GPC5: variants seen among roughly 807,000 people sequenced by gnomAD.
The protein encoded by GPC5 is glypican 5.
A neutral mutation model predicts 53.9 loss-of-function variants in GPC5; 47 were observed. The observed-to-expected ratio is 0.87, with a 90% CI of 0.69 to 1.11. The LOEUF (loss-of-function observed/expected upper bound fraction) is 1.11, where lower values mean the gene tolerates loss of function less well. GPC5 is among the 50% of genes most tolerant of loss of function. The pLI is 0.00. For synonymous variants in GPC5, 286 were observed against 263.3 expected, an observed-to-expected ratio of 1.09 and a Z score of -0.84; for missense variants, 748 against 713.1, an observed-to-expected ratio of 1.05 and a Z score of -0.56.
chr13:91,579,988 T>A (rs534763784), intron 2 of GPC5, among the ~76,000 whole-genome samples: 1 of 152,332 alleles, frequency 6.6e-6, no homozygotes, highest in African/African-American at 2.4e-5. Flanking sequence ...TCTTGGGCAA[T>A]AATTTTATAT....
At chr13:92,317,625 C>T (rs1348659736) in intron 7 of GPC5, among the ~76,000 whole-genome samples, 1 of 152,050 alleles carries the variant, frequency 6.6e-6, no homozygotes, top group Admixed American at 6.6e-5. Context: ...TCCTGAGAAG[C>T]TGGGCTTACA....
intron 6 of GPC5, among the ~76,000 whole-genome samples, chr13:92,098,802 C>G (rs1038087696): frequency 3.3e-5 from 5 of 152,096 alleles, no homozygotes; most frequent in African/African-American, 1.2e-4. Context: ...AGAGCCGCCA[C>G]AAAACAATAG....
At chr13:91,845,629 G>C (rs1391108723) in intron 5 of GPC5, among the ~76,000 whole-genome samples, 1 of 152,110 alleles carries the variant, frequency 6.6e-6, no homozygotes, top group Non-Finnish European at 1.5e-5. Flanking sequence ...AGGGCTTTTG[G>C]CTCTTCTTCT....
At chr13:92,778,280 A>G (rs1875890717) in intron 7 of GPC5, among the ~76,000 whole-genome samples, 2 of 152,152 alleles carry the variant, frequency 1.3e-5, no homozygotes, top group Admixed American at 6.6e-5. Flanking sequence ...TTTAGGTTGT[A>G]CTTCATAACG....
chr13:92,009,739 A>T (rs916910114), intron 6 of GPC5, among the ~76,000 whole-genome samples: 3 of 152,158 alleles, frequency 2.0e-5, no homozygotes, highest in African/African-American at 7.2e-5. Flanking sequence ...ATCAAATGTC[A>T]CTTGAAAACC....
At chr13:91,997,288 C>T (rs1415691544) in intron 6 of GPC5, among the ~76,000 whole-genome samples, 1 of 152,008 alleles carries the variant, frequency 6.6e-6, no homozygotes, top group Non-Finnish European at 1.5e-5. Context: ...TTTTTATTTC[C>T]TTGTCTTCTT....
intron 3 of GPC5, among the ~76,000 whole-genome samples, chr13:91,710,243 AT>A (rs1367342150): frequency 6.6e-6 from 1 of 152,226 alleles, no homozygotes; most frequent in Non-Finnish European, 1.5e-5. Flanking sequence ...TCTTGATTTA[AT>A]GCATTGAATT....
At chr13:92,647,323 A>G (rs1028925299) in intron 7 of GPC5, among the ~76,000 whole-genome samples, 1 of 152,144 alleles carries the variant, frequency 6.6e-6, no homozygotes, top group Non-Finnish European at 1.5e-5. Context: ...ACAAATGTTG[A>G]ATTTTATCAA....
intron 7 of GPC5, among the ~76,000 whole-genome samples, chr13:92,499,138 A>G (rs1260004608): frequency 1.3e-5 from 2 of 152,142 alleles, no homozygotes; most frequent in Non-Finnish European, 2.9e-5. Context: ...GGACTCATAC[A>G]AATAAGAAGC....
chr13:91,620,633 T>G (rs1272220426), intron 2 of GPC5, among the ~76,000 whole-genome samples: 1 of 152,142 alleles, frequency 6.6e-6, no homozygotes, highest in Admixed American at 6.5e-5. Context: ...CCTCCAAAAA[T>G]ATCCTTCTTT....
chr13:91,556,522 G>GTATATATATATATATA (rs202160698), intron 2 of GPC5, among the ~76,000 whole-genome samples: 2 of 147,514 alleles, frequency 1.4e-5, no homozygotes, highest in African/African-American at 5.0e-5. Context: ...TGCAGTATGT[G>GTATATATATATATATA]TATATATATA....
chr13:91,756,254 G>A (rs756925684), intron 4 of GPC5, 41 bp from the exon 5 acceptor site: 1 of 1,432,262 alleles, frequency 7.0e-7, no homozygotes, highest in Non-Finnish European at 9.3e-7. Context: ...CCTTTATTGT[G>A]GATGTTTGGT....
intron 7 of GPC5, among the ~76,000 whole-genome samples, chr13:92,474,299 CATCT>C (rs964033360): frequency 3.3e-5 from 5 of 151,980 alleles, no homozygotes; most frequent in Non-Finnish European, 7.4e-5. Context: ...TAGGCCCATC[CATCT>C]GAGAGTCTGT....
intron 7 of GPC5, among the ~76,000 whole-genome samples, chr13:92,281,850 C>G (rs983672029): frequency 6.6e-6 from 1 of 152,148 alleles, no homozygotes; most frequent in Non-Finnish European, 1.5e-5. Context: ...CTCTTCTCCT[C>G]CAAAGGAATG....
intron 7 of GPC5, among the ~76,000 whole-genome samples, chr13:92,487,335 C>A (rs1397831354): frequency 2.0e-5 from 3 of 152,100 alleles, no homozygotes; most frequent in Non-Finnish European, 4.4e-5. Flanking sequence ...AGAGTGACCA[C>A]CAATGGAGCC....
At chr13:91,898,488 C>T (rs1480201753) in intron 5 of GPC5, among the ~76,000 whole-genome samples, 1 of 152,018 alleles carries the variant, frequency 6.6e-6, no homozygotes, top group East Asian at 1.9e-4. Context: ...GTCATTTTGC[C>T]CTTGTTTTAT....
chr13:91,586,341 A>G (rs2032566842), intron 2 of GPC5, among the ~76,000 whole-genome samples: 1 of 148,104 alleles, frequency 6.8e-6, no homozygotes, highest in Non-Finnish European at 1.5e-5. Flanking sequence ...AGTTAAGGAC[A>G]AGGGTATTAG....
At chr13:92,077,785 A>G (rs1162076849) in intron 6 of GPC5, among the ~76,000 whole-genome samples, 1 of 152,226 alleles carries the variant, frequency 6.6e-6, no homozygotes, top group Admixed American at 6.5e-5. Context: ...CTTTAAGGAC[A>G]GGAAAAGGAA....
At chr13:91,701,374 C>G (rs565353980) in intron 3 of GPC5, among the ~76,000 whole-genome samples, 5 of 152,078 alleles carry the variant, frequency 3.3e-5, no homozygotes, top group African/African-American at 4.8e-5. Context: ...CTGGCAAACA[C>G]CATTGTCTTT....
Sources: gnomAD v4.1 joint callset for allele counts (sites outside exome capture counted in the v4.1 genomes callset) on GRCh38, gnomAD v4.1.1 for gene constraint, MANE v1.5 for transcripts, NCBI Gene and HGNC (gene_info 2026-07-23, HGNC 2026-07-21) for gene names.